The following INSYN1 variants were observed in gnomAD, a reference collection of about 807,000 sequenced individuals.
INSYN1 encodes UPF0583 protein C15orf59.
In INSYN1, 7 loss-of-function variants were observed where a neutral mutation model predicts 17.1. The ratio of observed to expected loss-of-function variants is 0.41; its 90% CI spans 0.23 to 0.77. INSYN1 has a LOEUF of 0.77. INSYN1 is among the 30% of genes least tolerant of loss of function. The pLI, the probability that INSYN1 is intolerant of heterozygous loss-of-function variation, is 0.32. For synonymous variants in INSYN1, 174 were observed against 166.3 expected (o/e 1.05, Z -0.36); for missense variants, 339 against 400.6 (o/e 0.85, Z 1.31).
Position 73,740,154 on chromosome 15 carries a change from C to T in INSYN1, c.645G>A (p.Val215=). ...TATGGGCAGGCTCAGGGGGCAAGCC[C>T]ACTTCTTCCTCCTCCACCTCCTGCT... ...DGEQEVEEEE[V]GLPPEPAHTE... is the part of the protein sequence containing the mutation. The change falls in exon 3 of 3, where the codon GTG becomes GTA. Residue 215 remains valine, a synonymous_variant. Transcript: ENST00000569673. The T allele has an allele frequency of 6.2e-7, 1 of 1,613,972 alleles. No homozygotes were observed. The highest frequency in any genetic ancestry group is 2.2e-5 in the East Asian group (1 of 44,862).
In INSYN1 at chr15:73,751,290, G is replaced by A; in HGVS notation, c.-160C>T. The A allele has an allele frequency of 1.4e-6, 1 of 719,508 alleles. No homozygotes were observed. The highest frequency in any genetic ancestry group is 2.3e-6 in the Non-Finnish European group (1 of 438,822). 44.6% of individuals were successfully genotyped at this position (719,508 alleles called of 1,614,324 possible). ...GGCCCTCAACCAGCCCCTGCCCCCTGCCACCCAGCCTCCTCTGCCTCTGGG... is the reference window on the plus strand; with the variant it reads ...GGCCCTCAACCAGCCCCTGCCCCCTACCACCCAGCCTCCTCTGCCTCTGGG... On this transcript the variant is annotated 5_prime_UTR_variant, in exon 2 of 3. Coordinates refer to ENST00000569673, the MANE Select transcript of INSYN1 (RefSeq NM_001039614.3).
chr15:73,746,046 C>A (rs1457735409), intron 2 of INSYN1, among the ~76,000 whole-genome samples: 9 of 151,142 alleles, frequency 6.0e-5, no homozygotes, highest in South Asian at 4.2e-4. Context: ...CCACACCCCC[C>A]ACCCTGCCCC....
intron 2 of INSYN1, among the ~76,000 whole-genome samples, chr15:73,746,454 T>C (rs1366305650): frequency 6.6e-6 from 1 of 152,228 alleles, no homozygotes; most frequent in African/African-American, 2.4e-5. Context: ...AGCTGCTTCC[T>C]GGCTGGGCCC....
At chr15:73,745,839 A>ACAAAACAAAACAAAAC (rs61669847) in intron 2 of INSYN1, among the ~76,000 whole-genome samples, 2 of 150,300 alleles carry the variant, frequency 1.3e-5, no homozygotes, top group African/African-American at 2.4e-5. Flanking sequence ...ACAAAACAAA[A>ACAAAACAAAACAAAAC]AAACTGCTGG....
At chr15:73,751,983 C>T (rs1212764202) in intron 1 of INSYN1, 127 bp downstream of exon 1, 4 of 146,360 alleles carry the variant, frequency 2.7e-5, no homozygotes, top group African/African-American at 1.0e-4. Context: ...CCTGCCCAGG[C>T]TGGTTCACCA....
In INSYN1 at chr15:73,740,384, A is replaced by C. The variant is rs201933736; in HGVS notation, c.415T>G (p.Tyr139Asp). Residue 139 changes from tyrosine to aspartate, a missense_variant, in exon 3 of 3, where the codon TAC becomes GAC. Transcript: ENST00000569673. ...GGCGTGCCACCATTCATGAGGCGGT[A>C]GTCAGGGCCAGCCCCTGGCCGAGTC... The part of the protein sequence containing the change: ...ESTRPGAGPD[Y>D]RLMNGGTPIP... 30 of 1,608,170 alleles carry C rather than the reference A, an allele frequency of 1.9e-5. No individual in the cohort carries two copies. The highest frequency in any genetic ancestry group is 2.5e-5 in the Non-Finnish European group (29 of 1,177,090).
chr15:73,749,778 A>T (rs1217048662), intron 2 of INSYN1, among the ~76,000 whole-genome samples: 3 of 152,186 alleles, frequency 2.0e-5, no homozygotes, highest in Admixed American at 2.0e-4. Flanking sequence ...ATCTTCTGAG[A>T]TGGGATTTCC....
intron 2 of INSYN1, among the ~76,000 whole-genome samples, chr15:73,744,047 A>G (rs1901762182): frequency 6.6e-6 from 1 of 152,002 alleles, no homozygotes; most frequent in South Asian, 2.1e-4. Flanking sequence ...AATTCTAGTA[A>G]TACCTACTTG....
intron 2 of INSYN1, among the ~76,000 whole-genome samples, chr15:73,743,966 A>G (rs557175480): frequency 2.0e-5 from 3 of 151,884 alleles, no homozygotes; most frequent in Non-Finnish European, 1.5e-5. Context: ...CCCTGGCTTC[A>G]CTGCTTACCA....
At chr15:73,740,668 G>A (rs2141464100) in intron 2 of INSYN1, 26 bp from the exon 3 acceptor site, 1 of 1,579,026 alleles carries the variant, frequency 6.3e-7, no homozygotes, top group Non-Finnish European at 8.6e-7. Context: ...GAGAGGAGAT[G>A]AGAGGGGCCA....
chr15:73,740,419 C>T lies in INSYN1; in HGVS notation c.380G>A (p.Gly127Asp). The T allele has an allele frequency of 6.2e-7, 1 of 1,612,804 alleles. No homozygotes were observed. The highest frequency in any genetic ancestry group is 2.2e-5 in the East Asian group (1 of 44,860). The change falls in exon 3 of 3, where the codon GGT becomes GAT. Residue 127 changes from glycine to aspartate, a missense_variant. Transcript: ENST00000569673. ...AGCCCCTGGCCGAGTCGACTCGGGA[C>T]CATCCACGGAGTCCGAGGGGGTAGA... ...DVSTPSDSVDGPESTRPGAGP... is the reference protein window; with the variant it reads ...DVSTPSDSVDDPESTRPGAGP...
intron 2 of INSYN1, among the ~76,000 whole-genome samples, chr15:73,746,711 G>A (rs1258073211): frequency 6.6e-6 from 1 of 152,166 alleles, no homozygotes; most frequent in African/African-American, 2.4e-5. Flanking sequence ...TCCCACCCAA[G>A]AGTCACCGAT....
In INSYN1 at chr15:73,742,386, G is replaced by A. The variant is rs1431571756; in HGVS notation, c.157-1744C>T. On this transcript the variant is annotated intron_variant, in intron 2 of 2. Coordinates refer to ENST00000569673, the MANE Select transcript of INSYN1 (RefSeq NM_001039614.3). ...GACAATCCCAGCCAACCTTATGAGAGCTTCATGAAGGACAGTGAGAAGGGC... is the reference window on the plus strand; with the variant it reads ...GACAATCCCAGCCAACCTTATGAGAACTTCATGAAGGACAGTGAGAAGGGC... Among the ~76,000 whole-genome samples the A allele has an allele frequency of 2.0e-5, 3 of 152,170 alleles. No homozygotes were observed. The East Asian group carries it at 5.8e-4, about 29-fold the overall frequency.
At chr15:73,749,585 A>G (rs1901924632) in intron 2 of INSYN1, among the ~76,000 whole-genome samples, 1 of 152,174 alleles carries the variant, frequency 6.6e-6, no homozygotes, top group African/African-American at 2.4e-5. Flanking sequence ...AATAAGATGG[A>G]GGCAGGGGGA....
rs564833839 is a variant in INSYN1 at position 73,739,095 on chromosome 15, C to G, written c.*822G>C. The G allele has an allele frequency of 6.6e-6, 1 of 152,276 alleles. No homozygotes were observed. Among genetic ancestry groups the G allele is most frequent in the South Asian group, 2.1e-4 (1 of 4,834 alleles). The allele number at this position is 152,276 out of a possible 1,614,324, so 9.4% of individuals were successfully genotyped here. A position where few individuals can be genotyped will look rare whatever the true frequency, so the allele number is the denominator to read the frequency against. On this transcript the variant is annotated 3_prime_UTR_variant, in exon 3 of 3. Coordinates refer to ENST00000569673, the MANE Select transcript of INSYN1 (RefSeq NM_001039614.3). ...CTAATTTTTAGCCCCATGGAAGTGG[C>G]TGCCTACTTCCTCGCACAGATCTCA... is the stretch of plus-strand genomic sequence containing the variant.
chr15:73,741,546 A>T (rs1901692642), intron 2 of INSYN1, among the ~76,000 whole-genome samples: 1 of 152,178 alleles, frequency 6.6e-6, no homozygotes, highest in Non-Finnish European at 1.5e-5. Flanking sequence ...TCAGCACATA[A>T]ATCAGGGAGG....
At chr15:73,741,635 C>T (rs962577763) in intron 2 of INSYN1, among the ~76,000 whole-genome samples, 1 of 152,084 alleles carries the variant, frequency 6.6e-6, no homozygotes, top group Non-Finnish European at 1.5e-5. Flanking sequence ...GAGAAGATTC[C>T]AACCAAAAAC....
Position 73,740,312 on chromosome 15 carries a change from C to T in INSYN1, c.487G>A (p.Glu163Lys). Residue 163 changes from glutamate (E) to lysine (K), a missense_variant, in exon 3 of 3, where the codon GAG (glutamate) becomes AAG (lysine). Physicochemically the swap from Glu to Lys is moderately conservative, Grantham distance 56. Coordinates refer to ENST00000569673, the MANE Select transcript of INSYN1 (RefSeq NM_001039614.3). The part of the protein sequence containing the change: ...RVETPDSSSE[E>K]AFGAGPTVKS... Reference sequence around the variant, plus strand: ...ACCGTGGGGCCAGCACCAAAGGCCTCCTCACTGGAGGAGTCTGGGGTCTCC... The same window carrying T: ...ACCGTGGGGCCAGCACCAAAGGCCTTCTCACTGGAGGAGTCTGGGGTCTCC... 1 of 1,612,580 alleles carries T rather than the reference C, an allele frequency of 6.2e-7. No individual in the cohort carries two copies. The highest frequency in any genetic ancestry group is 1.1e-5 in the South Asian group (1 of 90,884).
intron 2 of INSYN1, among the ~76,000 whole-genome samples, chr15:73,749,456 CAG>C (rs1436665881): frequency 1.3e-5 from 2 of 152,164 alleles, no homozygotes; most frequent in Admixed American, 1.3e-4. Flanking sequence ...GGAGTTGTAT[CAG>C]AGTTGACTCC....
Sources: gnomAD v4.1 joint callset for allele counts (sites outside exome capture counted in the v4.1 genomes callset) on GRCh38, gnomAD v4.1.1 for gene constraint, MANE v1.5 for transcripts, NCBI Gene and HGNC (gene_info 2026-07-23, HGNC 2026-07-21) for gene names.